FAM227B: variants seen among roughly 807,000 people sequenced by gnomAD.
FAM227B encodes family with sequence similarity 227 member B.
In FAM227B, 88 loss-of-function variants were observed where a neutral mutation model predicts 73.8. The observed-to-expected ratio is 1.19, with a 90% CI of 1.00 to 1.42. FAM227B has a LOEUF of 1.42. FAM227B is among the 40% of genes most tolerant of loss of function. The pLI, the probability that FAM227B is intolerant of heterozygous loss-of-function variation, is 0.00. For synonymous variants in FAM227B, 210 were observed against 190.5 expected, an observed-to-expected ratio of 1.10 and a Z score of -0.84; for missense variants, 632 against 590.9, an observed-to-expected ratio of 1.07 and a Z score of -0.72.
At chr15:49,396,795 T>TA (rs1370847220) in intron 11 of FAM227B, among the ~76,000 whole-genome samples, 13 of 150,552 alleles carry the variant, frequency 8.6e-5, no homozygotes, top group Admixed American at 4.0e-4. Context: ...TCCTGTCTGT[T>TA]AGAAGGAAAA....
chr15:49,519,156 G>A (rs2059599550), intron 10 of FAM227B, among the ~76,000 whole-genome samples: 1 of 152,226 alleles, frequency 6.6e-6, no homozygotes, highest in South Asian at 2.1e-4. Flanking sequence ...ACATCATGCT[G>A]ATGCAAGAGA....
chr15:49,394,334 G>C (rs1267794987), intron 11 of FAM227B, among the ~76,000 whole-genome samples: 1 of 152,204 alleles, frequency 6.6e-6, no homozygotes, highest in Non-Finnish European at 1.5e-5. Context: ...AGATGTGGTG[G>C]TGGGAATTTG....
chr15:49,392,405 C>T (rs1024123161), intron 11 of FAM227B, among the ~76,000 whole-genome samples: 2 of 152,030 alleles, frequency 1.3e-5, no homozygotes, highest in African/African-American at 2.4e-5. Flanking sequence ...GATGTCTGTG[C>T]GATGAGGATG....
intron 11 of FAM227B, among the ~76,000 whole-genome samples, chr15:49,498,192 C>T (rs144575600): frequency 7.9e-5 from 12 of 152,200 alleles, no homozygotes; most frequent in East Asian, 3.9e-4. Flanking sequence ...ATAGGCAGTA[C>T]GTGAAGTGGT....
At chr15:49,493,490 T>A (rs1036158889) in intron 11 of FAM227B, among the ~76,000 whole-genome samples, 1 of 151,986 alleles carries the variant, frequency 6.6e-6, no homozygotes, top group Non-Finnish European at 1.5e-5. Context: ...TCTCAACTTC[T>A]CACTATCAAT....
At chr15:49,479,573 G>C (rs2055695285) in intron 11 of FAM227B, among the ~76,000 whole-genome samples, 1 of 147,466 alleles carries the variant, frequency 6.8e-6, no homozygotes, top group Non-Finnish European at 1.5e-5. Flanking sequence ...TGATTTGGAG[G>C]GTAGGATTTC....
intron 5 of FAM227B, 128 bp downstream of exon 5, chr15:49,587,884 GAGAT>G: frequency 2.6e-6 from 2 of 755,052 alleles, no homozygotes; most frequent in Non-Finnish European, 3.6e-6. Flanking sequence ...TTAAAACATA[GAGAT>G]AGATTGGTAA....
intron 13 of FAM227B, among the ~76,000 whole-genome samples, chr15:49,345,184 A>G (rs1207911043): frequency 6.6e-6 from 1 of 152,210 alleles, no homozygotes; most frequent in Non-Finnish European, 1.5e-5. Flanking sequence ...TTTGACTTGT[A>G]CATTTATTAT....
chr15:49,447,324 T>C (rs2052316732), intron 11 of FAM227B, among the ~76,000 whole-genome samples: 1 of 151,618 alleles, frequency 6.6e-6, no homozygotes, highest in Non-Finnish European at 1.5e-5. Context: ...ACTTTGAACT[T>C]TACTTAGAGG....
At position 49,331,768 on chromosome 15, in the gene FAM227B, A is replaced by G. The variant is rs753897866; in HGVS notation, c.1419+12T>C. On this transcript the variant is annotated intron_variant, in intron 15 of 15. Transcript: ENST00000299338. Reference sequence around the variant, plus strand: ...GAGAGAATTCTCAATTATTTTCAGAAAGAAAACCTACCAGTTTATGTAGGA... The same window carrying G: ...GAGAGAATTCTCAATTATTTTCAGAGAGAAAACCTACCAGTTTATGTAGGA... 1 of 1,533,262 alleles carries G rather than the reference A, an allele frequency of 6.5e-7. No homozygotes were observed. The highest frequency in any genetic ancestry group is 1.1e-5 in the South Asian group (1 of 89,256). 95.0% of individuals were successfully genotyped at this position (1,533,262 alleles called of 1,614,324 possible).
chr15:49,339,176 G>T (rs1017519533), intron 13 of FAM227B, among the ~76,000 whole-genome samples: 1 of 152,080 alleles, frequency 6.6e-6, no homozygotes, highest in Non-Finnish European at 1.5e-5. Flanking sequence ...TCCCTTGCTG[G>T]CAAGGAGTTG....
intron 13 of FAM227B, among the ~76,000 whole-genome samples, chr15:49,340,968 A>C (rs2040635673): frequency 6.6e-6 from 1 of 152,202 alleles, no homozygotes; most frequent in South Asian, 2.1e-4. Context: ...GTCCAGTTCC[A>C]ATCTTTGGCA....
chr15:49,620,591 T>C (rs548383537), intron 1 of FAM227B, 109 bp downstream of exon 1: 3 of 152,340 alleles, frequency 2.0e-5, no homozygotes, highest in South Asian at 2.1e-4. Flanking sequence ...AATAATGATA[T>C]TGATATAGCC....
chr15:49,368,971 GTTTGTT>G (rs770180955), intron 12 of FAM227B, among the ~76,000 whole-genome samples: 14 of 152,114 alleles, frequency 9.2e-5, no homozygotes, highest in East Asian at 5.8e-4. Context: ...TTGTTTGTTT[GTTTGTT>G]TTTATTTTTT....
chr15:49,537,536 C>T (rs569585280), intron 10 of FAM227B, among the ~76,000 whole-genome samples: 20 of 152,140 alleles, frequency 1.3e-4, no homozygotes, highest in African/African-American at 4.3e-4. Flanking sequence ...AATAGAACTA[C>T]CATGTGACCC....
chr15:49,333,180 C>G (rs1466231823), intron 14 of FAM227B, among the ~76,000 whole-genome samples: 1 of 152,096 alleles, frequency 6.6e-6, no homozygotes, highest in Non-Finnish European at 1.5e-5. Flanking sequence ...ATGTTACATA[C>G]CATAAAATTG....
rs554830616 is a variant in FAM227B at position 49,352,728 on chromosome 15, G to A, written c.1271+14720C>T. Among the ~76,000 whole-genome samples the A allele has an allele frequency of 1.3e-4, 20 of 152,134 alleles. No individual in the cohort carries two copies. The South Asian group carries it at 2.1e-3, about 16-fold the overall frequency. ...ATTAAAATAGCTTGGTCATCACAGC[G>A]CACTTCAAGACCCTTGGTCCACTGG... On this transcript the variant is annotated intron_variant, in intron 13 of 15. Coordinates refer to ENST00000299338, the MANE Select transcript of FAM227B (RefSeq NM_152647.3).
At chr15:49,518,313 C>G (rs1488310771) in intron 10 of FAM227B, among the ~76,000 whole-genome samples, 1 of 152,040 alleles carries the variant, frequency 6.6e-6, no homozygotes, top group African/African-American at 2.4e-5. Flanking sequence ...AGATGGCTGC[C>G]TATGGTGGTT....
chr15:49,393,037 G>T (rs1488232581), intron 11 of FAM227B, among the ~76,000 whole-genome samples: 1 of 152,128 alleles, frequency 6.6e-6, no homozygotes, highest in South Asian at 2.1e-4. Flanking sequence ...GAGGAGCAAA[G>T]GAGTACATAG....
Sources: gnomAD v4.1 joint callset for allele counts (sites outside exome capture counted in the v4.1 genomes callset) on GRCh38, gnomAD v4.1.1 for gene constraint, MANE v1.5 for transcripts, NCBI Gene and HGNC (gene_info 2026-07-23, HGNC 2026-07-21) for gene names.